Variants in DGKB observed in about 807,000 individuals in gnomAD.
DGKB encodes 90 kDa diacylglycerol kinase.
A neutral mutation model predicts 114.3 loss-of-function variants in DGKB; 67 were observed. That is an observed-to-expected ratio of 0.59 (90% CI 0.48 to 0.72). DGKB has a LOEUF of 0.72. Among genes scored for constraint, DGKB ranks in the 30% least tolerant of loss-of-function variants. DGKB has a pLI of 0.00. For missense variants in DGKB, 907 were observed against 975.2 expected (o/e 0.93, Z 0.93); for synonymous variants, 398 against 323.1 (o/e 1.23, Z -2.49).
At chr7:14,693,241 A>G (rs537299536) in intron 9 of DGKB, among the ~76,000 whole-genome samples, 1 of 152,214 alleles carries the variant, frequency 6.6e-6, no homozygotes, top group African/African-American at 2.4e-5. Flanking sequence ...TTAAGTAGAC[A>G]TGTTATTCTA....
At chr7:14,969,888 C>T (rs1033153726) in intron 1 of DGKB, among the ~76,000 whole-genome samples, 1 of 152,110 alleles carries the variant, frequency 6.6e-6, no homozygotes. Flanking sequence ...CACATCTAAA[C>T]ATAGAAAAGG....
intron 2 of DGKB, among the ~76,000 whole-genome samples, chr7:14,766,050 G>A (rs1452833711): frequency 2.6e-5 from 4 of 151,874 alleles, no homozygotes; most frequent in Non-Finnish European, 5.9e-5. Flanking sequence ...GTGATTATTT[G>A]TACTTTAGAA....
intron 6 of DGKB, among the ~76,000 whole-genome samples, chr7:14,703,513 C>T (rs1164157975): frequency 6.6e-6 from 1 of 152,154 alleles, no homozygotes; most frequent in Non-Finnish European, 1.5e-5. Flanking sequence ...CTTTACTAGC[C>T]TGACTTGAAG....
At chr7:14,802,402 A>T (rs1842285931) in intron 2 of DGKB, among the ~76,000 whole-genome samples, 1 of 152,164 alleles carries the variant, frequency 6.6e-6, no homozygotes, top group African/African-American at 2.4e-5. Context: ...TAGTAGGCCC[A>T]CTAAAAGCTA....
At chr7:14,851,867 C>T (rs567278204) in intron 1 of DGKB, among the ~76,000 whole-genome samples, 1 of 152,146 alleles carries the variant, frequency 6.6e-6, no homozygotes, top group African/African-American at 2.4e-5. Context: ...CTTCCACCCC[C>T]AAACATGAGT....
At chr7:14,405,339 C>A (rs1210436276) in intron 21 of DGKB, among the ~76,000 whole-genome samples, 1 of 151,956 alleles carries the variant, frequency 6.6e-6, no homozygotes, top group Non-Finnish European at 1.5e-5. Flanking sequence ...ATGTTATTAG[C>A]TTTTTAATAA....
chr7:14,563,265 G>A (rs755046595), intron 20 of DGKB, among the ~76,000 whole-genome samples: 4 of 152,112 alleles, frequency 2.6e-5, no homozygotes, highest in Admixed American at 6.5e-5. Flanking sequence ...CTTTATTAGC[G>A]GCATGAGAAC....
rs193011110 is a variant in DGKB at position 14,773,324 on chromosome 7, T to C, written c.71-15593A>G. Among the ~76,000 whole-genome samples the C allele has an allele frequency of 2.6e-5, 4 of 152,230 alleles. No individual in the cohort carries two copies. In the East Asian group the frequency reaches 5.8e-4, roughly 22 times the overall value. On this transcript the variant is annotated intron_variant, in intron 2 of 25. Coordinates refer to ENST00000402815, the MANE Select transcript of DGKB (RefSeq NM_001350709.2). ...GTTTTCATAGGTTGAGAATGCATTC[T>C]TATTTTCCCTACTAAAAATAACAGC...
chr7:14,367,219 G>C (rs1333093311), intron 21 of DGKB, among the ~76,000 whole-genome samples: 1 of 152,026 alleles, frequency 6.6e-6, no homozygotes, highest in East Asian at 1.9e-4. Context: ...TTCTGAGCAT[G>C]TTTAAGGCAG....
At chr7:14,788,559 A>C (rs904309033) in intron 2 of DGKB, among the ~76,000 whole-genome samples, 3 of 152,022 alleles carry the variant, frequency 2.0e-5, no homozygotes, top group African/African-American at 7.3e-5. Context: ...CTATCCACTT[A>C]CCCTAATCAC....
chr7:14,777,168 C>G lies in DGKB; in HGVS notation c.71-19437G>C, dbSNP rs553633128. 4.3e-3 allele frequency among the ~76,000 whole-genome samples: 662 copies of G among 152,202 alleles called. 8 individuals are homozygous for G. Among genetic ancestry groups the G allele is most frequent in the African/African-American group, 0.015 (618 of 41,520 alleles). ...CGTGTTTTTACCCAATGCCTGTACC[C>G]CCGTTGTATCTAGGAAGTGACTCAG... is the stretch of plus-strand genomic sequence containing the variant. On this transcript the variant is annotated intron_variant, in intron 2 of 25. Transcript: ENST00000402815.
At chr7:14,271,597 T>C (rs749340045) in intron 23 of DGKB, among the ~76,000 whole-genome samples, 10 of 152,148 alleles carry the variant, frequency 6.6e-5, no homozygotes, top group Non-Finnish European at 1.0e-4. Context: ...AATGGAGCCT[T>C]TGAGGGGCAA....
chr7:14,186,039 GC>G (rs1389841092), intron 23 of DGKB, among the ~76,000 whole-genome samples: 1 of 152,160 alleles, frequency 6.6e-6, no homozygotes, highest in African/African-American at 2.4e-5. Context: ...AAACTAAAGA[GC>G]TTTTGCATGG....
intron 1 of DGKB, among the ~76,000 whole-genome samples, chr7:14,858,722 G>C (rs929069567): frequency 1.3e-5 from 2 of 152,148 alleles, no homozygotes; most frequent in Non-Finnish European, 2.9e-5. Context: ...TCAGCAGAAA[G>C]CCGAGATATG....
chr7:14,776,553 G>A lies in DGKB; in HGVS notation c.71-18822C>T, dbSNP rs547335404. ...GCTAAAAGGGGCCAAGGTATGACTC[G>A]GGCCTTGGCTTCAGAGGGTGCAAGC... On this transcript the variant is annotated intron_variant, in intron 2 of 25. Coordinates refer to ENST00000402815, the MANE Select transcript of DGKB (RefSeq NM_001350709.2). Among the ~76,000 whole-genome samples, 510 of 152,318 alleles carry A rather than the reference G, an allele frequency of 3.3e-3. 2 individuals are homozygous for A. The highest frequency in any genetic ancestry group is 7.6e-3 in the African/African-American group (316 of 41,572).
At chr7:14,150,941 G>A (rs1164339022) in intron 25 of DGKB, among the ~76,000 whole-genome samples, 2 of 152,012 alleles carry the variant, frequency 1.3e-5, no homozygotes, top group Admixed American at 1.3e-4. Context: ...CAATATACAA[G>A]CTCTGCCCCC....
At chr7:14,559,727 T>C in intron 20 of DGKB, among the ~76,000 whole-genome samples, 1 of 152,212 alleles carries the variant, frequency 6.6e-6, no homozygotes, top group East Asian at 1.9e-4. Context: ...GTCACTGAGA[T>C]GTCAAAGCCT....
intron 23 of DGKB, among the ~76,000 whole-genome samples, chr7:14,331,191 G>A (rs1237870270): frequency 6.6e-6 from 1 of 151,854 alleles, no homozygotes; most frequent in Non-Finnish European, 1.5e-5. Context: ...GCAAATGTTT[G>A]GATCTATCTA....
intron 21 of DGKB, among the ~76,000 whole-genome samples, chr7:14,346,650 T>G (rs894108837): frequency 2.6e-5 from 4 of 151,932 alleles, no homozygotes; most frequent in African/African-American, 9.7e-5. Flanking sequence ...GTGAAGTAGG[T>G]TAGAGGTAAA....
Sources: allele counts gnomAD v4.1 joint callset (sites outside exome capture counted in the v4.1 genomes callset), GRCh38; gene constraint gnomAD v4.1.1; transcripts MANE v1.5; gene names NCBI Gene and HGNC (gene_info 2026-07-23, HGNC 2026-07-21).